RPAP2: variants seen among roughly 807,000 people sequenced by gnomAD.
RPAP2 encodes the protein RNA polymerase II associated protein 2, also known as putative RNA polymerase II subunit B1 CTD phosphatase RPAP2.
In RPAP2, 52 loss-of-function variants were observed where a neutral mutation model predicts 73.1. The ratio of observed to expected loss-of-function variants is 0.71; its 90% CI spans 0.57 to 0.90. RPAP2 has a LOEUF of 0.90. RPAP2 is among the 40% of genes least tolerant of loss of function. The probability of loss-of-function intolerance (pLI) is 0.00; values close to 1 mark genes in which losing one functional copy is unlikely to be tolerated. For missense variants in RPAP2, 598 were observed against 701.8 expected (o/e 0.85, Z 1.67); for synonymous variants, 225 against 242.1 (o/e 0.93, Z 0.65).
rs1651062517 is a variant in RPAP2 at position 92,304,362 on chromosome 1, G to C, written c.399+13G>C. ...TACTGAAAGAAAGGTGAGTTTAAAGGCTTTCATTGTGGCAATTAATTTTTT... is the reference window on the plus strand; with the variant it reads ...TACTGAAAGAAAGGTGAGTTTAAAGCCTTTCATTGTGGCAATTAATTTTTT... On this transcript the variant is annotated intron_variant, in intron 5 of 12. Transcript: ENST00000610020. 1.4e-6 allele frequency: 2 copies of C among 1,450,556 alleles called. No individual in the cohort carries two copies. Among genetic ancestry groups the C allele is most frequent in the South Asian group, 1.3e-5 (1 of 79,126 alleles). The allele number at this position is 1,450,556 out of a possible 1,614,324, so 89.9% of individuals were successfully genotyped here.
intron 12 of RPAP2, among the ~76,000 whole-genome samples, chr1:92,382,222 A>G (rs1395205108): frequency 6.6e-6 from 1 of 152,296 alleles, no homozygotes; most frequent in East Asian, 1.9e-4. Flanking sequence ...TAGTGCCTCT[A>G]TAAACATATG....
chr1:92,323,194 A>G (rs888544814), intron 7 of RPAP2, among the ~76,000 whole-genome samples: 3 of 150,304 alleles, frequency 2.0e-5, no homozygotes, highest in Non-Finnish European at 4.4e-5. Flanking sequence ...TAATTGGGGG[A>G]AAAAGATGAA....
At chr1:92,347,409 A>C (rs1208344438) in intron 11 of RPAP2, among the ~76,000 whole-genome samples, 1 of 152,180 alleles carries the variant, frequency 6.6e-6, no homozygotes, top group East Asian at 1.9e-4. Context: ...GTAGTTCTGC[A>C]ATTCATTATA....
At chr1:92,375,531 C>T (rs1655346361) in intron 11 of RPAP2, among the ~76,000 whole-genome samples, 1 of 151,982 alleles carries the variant, frequency 6.6e-6, no homozygotes, top group Non-Finnish European at 1.5e-5. Context: ...CCTGTCTCTA[C>T]TAAAAATACA....
intron 6 of RPAP2, among the ~76,000 whole-genome samples, chr1:92,312,699 C>G (rs753940333): frequency 9.9e-5 from 15 of 152,216 alleles, no homozygotes; most frequent in Non-Finnish European, 1.6e-4. Context: ...TAGTGACTAC[C>G]TCTACGGAAG....
At chr1:92,318,287 A>G (rs1405976742) in intron 6 of RPAP2, among the ~76,000 whole-genome samples, 1 of 152,178 alleles carries the variant, frequency 6.6e-6, no homozygotes, top group Non-Finnish European at 1.5e-5. Flanking sequence ...CATTTAATTC[A>G]GTCCTCTTAG....
intron 11 of RPAP2, among the ~76,000 whole-genome samples, chr1:92,349,399 C>A (rs527415848): frequency 6.6e-6 from 1 of 152,258 alleles, no homozygotes; most frequent in South Asian, 2.1e-4. Context: ...GAAGAGGATA[C>A]ATACATACAC....
intron 11 of RPAP2, among the ~76,000 whole-genome samples, chr1:92,364,693 CAGTT>C (rs748967622): frequency 6.6e-6 from 1 of 152,090 alleles, no homozygotes; most frequent in Non-Finnish European, 1.5e-5. Flanking sequence ...GTTCTGTATA[CAGTT>C]AGCTTTCTCC....
At chr1:92,354,681 A>G (rs1654376391) in intron 11 of RPAP2, among the ~76,000 whole-genome samples, 1 of 152,086 alleles carries the variant, frequency 6.6e-6, no homozygotes, top group Admixed American at 6.6e-5. Context: ...TCTTATAATC[A>G]AAGTTTTTAT....
rs199629432 is a variant in RPAP2 at position 92,380,789 on chromosome 1, A to T, written c.1754A>T (p.Asp585Val). The T allele has an allele frequency of 2.2e-5, 36 of 1,608,400 alleles. No individual in the cohort carries two copies. The highest frequency in any genetic ancestry group is 2.9e-5 in the Non-Finnish European group (34 of 1,178,024). Residue 585 changes from aspartate (D) to valine (V), a missense_variant, in exon 12 of 13, where the codon GAC becomes GTC. Asp to Val is a radical substitution (Grantham distance 152, BLOSUM62 -3). Coordinates refer to ENST00000610020, the MANE Select transcript of RPAP2 (RefSeq NM_024813.3). ...QEGMVFTRFL[D>V]TLLEELHLKN... ...GGTATGGTGTTTACACGGTTTCTAG[A>T]CACCCTCCTTGAAGAATTACATCTA...
At position 92,397,309 on chromosome 1, in the gene RPAP2, G is replaced by A. The variant is rs1453055666; in HGVS notation, c.*10298G>A. ...GGAGTCAGAGGTGGGAGGATCACTT[G>A]AGCCCAGGAGGCAGAGGTTGTAGGG... On this transcript the variant is annotated 3_prime_UTR_variant, in exon 13 of 13. Transcript: ENST00000610020. 1 of 152,212 alleles carries A rather than the reference G, an allele frequency of 6.6e-6. No individual in the cohort carries two copies. Among genetic ancestry groups the A allele is most frequent in the African/African-American group, 2.4e-5 (1 of 41,446 alleles). The allele number at this position is 152,212 out of a possible 1,614,324, so 9.4% of individuals were successfully genotyped here.
intron 5 of RPAP2, 74 bp from the exon 6 acceptor site, chr1:92,307,114 G>GTTTTATA: frequency 1.0e-6 from 1 of 999,702 alleles, no homozygotes; most frequent in East Asian, 2.6e-5. Flanking sequence ...ATACATTTAT[G>GTTTTATA]TTTTATACTC....
chr1:92,304,168 A>G, intron 4 of RPAP2, 93 bp downstream of exon 4: 1 of 1,194,936 alleles, frequency 8.4e-7, no homozygotes, highest in Admixed American at 2.0e-5. Flanking sequence ...ACCTAAGGTC[A>G]TGAACTAAAG....
chr1:92,302,590 A>ATTTTTTTTTTTTTTTTT (rs36067595), intron 3 of RPAP2, among the ~76,000 whole-genome samples: 1 of 74,316 alleles, frequency 1.3e-5, no homozygotes, highest in African/African-American at 5.7e-5. Context: ...TCCGCATTAA[A>ATTTTTTTTTTTTTTTTT]TTTTTTTTTT....
intron 1 of RPAP2, 40 bp downstream of exon 1, chr1:92,299,186 G>T (rs1375708799): frequency 1.6e-6 from 2 of 1,283,120 alleles, no homozygotes; most frequent in East Asian, 2.8e-5. Context: ...GACCCTGAAA[G>T]CTGGGCCCCG....
chr1:92,389,934 G>T lies in RPAP2; in HGVS notation c.*2923G>T, dbSNP rs553293168. On this transcript the variant is annotated 3_prime_UTR_variant, in exon 13 of 13. Transcript: ENST00000610020. ...CTATGTTTGATTGGTGTACCTGAAA[G>T]TGATGGGGAGAACAGAACCAAGTTT... is the stretch of plus-strand genomic sequence containing the variant. 2 of 152,336 alleles carry T rather than the reference G, an allele frequency of 1.3e-5. No homozygotes were observed. Among genetic ancestry groups the T allele is most frequent in the South Asian group, 4.2e-4 (2 of 4,812 alleles). 9.4% of individuals were successfully genotyped at this position (152,336 alleles called of 1,614,324 possible).
At chr1:92,333,212 G>A (rs1653077640) in intron 8 of RPAP2, 179 bp from the exon 9 acceptor site, 1 of 559,702 alleles carries the variant, frequency 1.8e-6, no homozygotes, top group East Asian at 2.8e-5. Flanking sequence ...ACTCAAAGAA[G>A]TTCACAACAG....
chr1:92,372,613 C>A (rs892408773), intron 11 of RPAP2, among the ~76,000 whole-genome samples: 1 of 152,116 alleles, frequency 6.6e-6, no homozygotes, highest in African/African-American at 2.4e-5. Flanking sequence ...CTCCATTCTT[C>A]TAAAAATGAA....
At chr1:92,382,259 A>G (rs1336672063) in intron 12 of RPAP2, among the ~76,000 whole-genome samples, 2 of 152,168 alleles carry the variant, frequency 1.3e-5, no homozygotes, top group African/African-American at 4.8e-5. Context: ...TAGCAGCATG[A>G]TTCATAATCC....
Sources: gnomAD v4.1 joint callset for allele counts (sites outside exome capture counted in the v4.1 genomes callset) on GRCh38, gnomAD v4.1.1 for gene constraint, MANE v1.5 for transcripts, NCBI Gene and HGNC (gene_info 2026-07-23, HGNC 2026-07-21) for gene names.